The following CYP4Z1 variants were observed in gnomAD, a reference collection of about 807,000 sequenced individuals.
CYP4Z1 encodes the protein cytochrome P450 4Z1.
CYP4Z1 carries 41 observed loss-of-function variants against 54.2 expected under a neutral mutation model. That is an observed-to-expected ratio of 0.76 (90% CI 0.59 to 0.98). The LOEUF (loss-of-function observed/expected upper bound fraction) is 0.98, where lower values mean the gene tolerates loss of function less well. Ranked by LOEUF, CYP4Z1 falls within the 50% of genes least tolerant of loss-of-function variation. The probability of loss-of-function intolerance (pLI) is 0.00; values close to 1 mark genes in which losing one functional copy is unlikely to be tolerated. For missense variants in CYP4Z1, 513 were observed against 599.0 expected (o/e 0.86, Z 1.50); for synonymous variants, 163 against 206.2 (o/e 0.79, Z 1.79).
chr1:47,099,189 C>T lies in CYP4Z1; in HGVS notation c.972C>T (p.Ser324=). ...AGHDTTSSAI[S]WILYCLAKYP... is the part of the protein sequence containing the mutation. Reference sequence around the variant, plus strand: ...ATGACACCACATCCAGTGCTATCTCCTGGATCCTTTACTGCTTGGCAAAGT... The same window carrying T: ...ATGACACCACATCCAGTGCTATCTCTTGGATCCTTTACTGCTTGGCAAAGT... The change falls in exon 8 of 12, where the codon TCC becomes TCT. Residue 324 remains serine (S), a synonymous_variant. Coordinates refer to ENST00000334194, the MANE Select transcript of CYP4Z1 (RefSeq NM_178134.3). The T allele has an allele frequency of 6.2e-7, 1 of 1,614,046 alleles. No individual in the cohort carries two copies. Among genetic ancestry groups the T allele is most frequent in the Non-Finnish European group, 8.5e-7 (1 of 1,179,990 alleles).
chr1:47,115,588 C>T lies in CYP4Z1; in HGVS notation c.1261C>T (p.Pro421Ser). ...LHHNPYFWED[P>S]QVFNPLRFSR... ...CCACAACCCCTATTTCTGGGAAGAC[C>T]CTCAGGTATGATTGTCCCAACTGCA... is the stretch of plus-strand genomic sequence containing the variant. The change falls in exon 10 of 12, where the codon CCT (proline) becomes TCT (serine). Residue 421 changes from proline (P) to serine (S), a missense_variant. Transcript: ENST00000334194. 1 of 1,613,402 alleles carries T rather than the reference C, an allele frequency of 6.2e-7. No individual in the cohort carries two copies. The highest frequency in any genetic ancestry group is 8.5e-7 in the Non-Finnish European group (1 of 1,179,644).
intron 2 of CYP4Z1, among the ~76,000 whole-genome samples, chr1:47,072,987 G>C (rs1644493483): frequency 6.6e-6 from 1 of 151,536 alleles, no homozygotes; most frequent in Non-Finnish European, 1.5e-5. Flanking sequence ...CCAATTCAGG[G>C]ACACTAAGTA....
At chr1:47,102,312 T>C (rs919663842) in intron 8 of CYP4Z1, among the ~76,000 whole-genome samples, 8 of 152,234 alleles carry the variant, frequency 5.3e-5, no homozygotes, top group African/African-American at 1.4e-4. Context: ...TCTGGTTGTT[T>C]TGTATATACT....
intron 6 of CYP4Z1, among the ~76,000 whole-genome samples, chr1:47,088,085 G>T (rs1644611185): frequency 6.6e-6 from 1 of 152,166 alleles, no homozygotes; most frequent in Non-Finnish European, 1.5e-5. Context: ...TGTGCTGCTG[G>T]ATTCCGTTTG....
At chr1:47,115,134 A>C (rs1644820506) in intron 9 of CYP4Z1, among the ~76,000 whole-genome samples, 1 of 152,092 alleles carries the variant, frequency 6.6e-6, no homozygotes, top group Non-Finnish European at 1.5e-5. Flanking sequence ...TGATGAGTTC[A>C]TGTCCTTTGT....
At chr1:47,067,772 C>A in intron 1 of CYP4Z1, 105 bp downstream of exon 1, 1 of 1,037,668 alleles carries the variant, frequency 9.6e-7, no homozygotes, top group Non-Finnish European at 1.3e-6. Context: ...AAAATGCTTT[C>A]ACACCAATCT....
intron 8 of CYP4Z1, among the ~76,000 whole-genome samples, chr1:47,103,062 A>G (rs565221370): frequency 7.9e-5 from 12 of 152,118 alleles, no homozygotes; most frequent in Admixed American, 3.9e-4. Flanking sequence ...GTTATTTCAA[A>G]AGACCTGTCA....
intron 2 of CYP4Z1, among the ~76,000 whole-genome samples, chr1:47,068,981 C>T (rs530731182): frequency 1.3e-5 from 2 of 152,216 alleles, no homozygotes; most frequent in Non-Finnish European, 2.9e-5. Context: ...ATCTTCTCTC[C>T]CTACATGGCA....
At position 47,076,754 on chromosome 1, in the gene CYP4Z1, A is replaced by C. The variant is rs554074887; in HGVS notation, c.320-3869A>C. Reference sequence around the variant, plus strand: ...CAGCTACTTGAGAGGCTGAGGCAGGAGAATGGCGTGAACCCAGGAGGCGGA... The same window carrying C: ...CAGCTACTTGAGAGGCTGAGGCAGGCGAATGGCGTGAACCCAGGAGGCGGA... On this transcript the variant is annotated intron_variant, in intron 2 of 11. Transcript: ENST00000334194. 1.2e-3 allele frequency among the ~76,000 whole-genome samples: 173 copies of C among 148,204 alleles called. 1 individual carries two copies. Among genetic ancestry groups the C allele is most frequent in the African/African-American group, 3.7e-3 (150 of 40,000 alleles).
chr1:47,055,878 A>ATTCATTGAT, the CYP4Z1 span, among the ~76,000 whole-genome samples: 1,840 of 151,982 alleles, frequency 0.012, 15 homozygotes, highest in Middle Eastern at 0.044. Context: ...CAGCTCCTGG[A>ATTCATTGAT]TTCATTGATT....
rs1278948270 is a variant in CYP4Z1 at position 47,117,935 on chromosome 1, T to C, written c.*1T>C. 1 of 1,612,838 alleles carries C rather than the reference T, an allele frequency of 6.2e-7. No homozygotes were observed. The highest frequency in any genetic ancestry group is 1.1e-5 in the South Asian group (1 of 90,962). On this transcript the variant is annotated 3_prime_UTR_variant, in exon 12 of 12. Transcript: ENST00000334194. ...TGTGTTTGCAAAAAAAGTTTGCTAA[T>C]TTTAAGTCCTTTCGTATAAGAATTA...
Position 47,099,195 on chromosome 1 carries a change from C to T in CYP4Z1, c.978C>T (p.Ile326=). The T allele has an allele frequency of 2.5e-6, 4 of 1,614,020 alleles. No homozygotes were observed. Among genetic ancestry groups the T allele is most frequent in the Non-Finnish European group, 2.5e-6 (3 of 1,179,986 alleles). Residue 326 remains isoleucine (I), a synonymous_variant, in exon 8 of 12, where the codon ATC becomes ATT. Coordinates refer to ENST00000334194, the MANE Select transcript of CYP4Z1 (RefSeq NM_178134.3). ...CCACATCCAGTGCTATCTCCTGGAT[C>T]CTTTACTGCTTGGCAAAGTACCCTG... ...HDTTSSAISW[I]LYCLAKYPEH...
At chr1:47,117,110 C>A (rs1270225984) in intron 11 of CYP4Z1, among the ~76,000 whole-genome samples, 1 of 152,148 alleles carries the variant, frequency 6.6e-6, no homozygotes, top group African/African-American at 2.4e-5. Context: ...TTCTAAAGTC[C>A]AAGTTTCCCT....
intron 6 of CYP4Z1, among the ~76,000 whole-genome samples, chr1:47,094,064 G>A (rs1468952652): frequency 1.3e-5 from 2 of 152,172 alleles, no homozygotes; most frequent in Non-Finnish European, 2.9e-5. Context: ...TAGGAGTGGT[G>A]AGAGTAGGCT....
At chr1:47,057,294 T>C in the CYP4Z1 span, among the ~76,000 whole-genome samples, 1 of 137,616 alleles carries the variant, frequency 7.3e-6, no homozygotes, top group Non-Finnish European at 1.5e-5. Context: ...GATCAGCTGT[T>C]AGTCTGATGG....
chr1:47,076,594 C>G (rs1004872829), intron 2 of CYP4Z1, among the ~76,000 whole-genome samples: 1 of 151,840 alleles, frequency 6.6e-6, no homozygotes, highest in African/African-American at 2.4e-5. Flanking sequence ...GCCTGTAATC[C>G]CAGCACTTTG....
intron 9 of CYP4Z1, 53 bp downstream of exon 9, chr1:47,106,314 T>G: frequency 6.4e-7 from 1 of 1,569,270 alleles, no homozygotes; most frequent in South Asian, 1.2e-5. Context: ...TGGATTGAAA[T>G]GTCTTAACAT....
chr1:47,107,097 C>G (rs1452711032), intron 9 of CYP4Z1, among the ~76,000 whole-genome samples: 1 of 152,304 alleles, frequency 6.6e-6, no homozygotes, highest in Non-Finnish European at 1.5e-5. Flanking sequence ...ATCAACTTTA[C>G]TATTGTAATA....
chr1:47,112,217 G>A (rs1412058236), intron 9 of CYP4Z1, among the ~76,000 whole-genome samples: 2 of 151,930 alleles, frequency 1.3e-5, no homozygotes, highest in African/African-American at 2.4e-5. Context: ...GACACACCAC[G>A]AACTAATATT....
Sources: allele counts gnomAD v4.1 joint callset (sites outside exome capture counted in the v4.1 genomes callset), GRCh38; gene constraint gnomAD v4.1.1; transcripts MANE v1.5; gene names NCBI Gene and HGNC (gene_info 2026-07-23, HGNC 2026-07-21).